The following ADAMTS6 variants were observed in gnomAD, a reference collection of about 807,000 sequenced individuals.
ADAMTS6 encodes the protein A disintegrin and metalloproteinase with thrombospondin motifs 6.
In ADAMTS6, 23 loss-of-function variants were observed where a neutral mutation model predicts 144.3. The ratio of observed to expected loss-of-function variants is 0.16; its 90% CI spans 0.11 to 0.23. ADAMTS6 has a LOEUF of 0.23. ADAMTS6 is among the 10% of genes least tolerant of loss of function. ADAMTS6 has a pLI of 1.00. For missense variants in ADAMTS6, 999 were observed against 1,379.6 expected (o/e 0.72, Z 4.37); for synonymous variants, 444 against 457.5 (o/e 0.97, Z 0.38).
chr5:65,239,644 T>C (rs1186245089), intron 15 of ADAMTS6, among the ~76,000 whole-genome samples: 6 of 152,164 alleles, frequency 3.9e-5, no homozygotes, highest in Non-Finnish European at 8.8e-5. Context: ...ACAAAACATT[T>C]GTAAAACTTA....
At position 65,170,701 on chromosome 5, in the gene ADAMTS6, T is replaced by C; in HGVS notation, c.3160A>G (p.Ser1054Gly). ...GGCCGAACAGTTTCTAGACAGTCAC[T>C]AGATGCCTGTCCGGTGTAGGAGAGA... Reference protein sequence around the residue: ...QCLSYTGQASSDCLETVRPPS... With the variant: ...QCLSYTGQASGDCLETVRPPS... Residue 1054 changes from serine to glycine, a missense_variant, in exon 24 of 25, where the codon AGT becomes GGT. This residue lies in a region of ADAMTS6 where 619 missense variants were observed against 837.0 expected (regional missense o/e 0.74). Coordinates refer to ENST00000381055, the MANE Select transcript of ADAMTS6 (RefSeq NM_197941.4). 1.2e-6 allele frequency: 2 copies of C among 1,614,058 alleles called. No homozygotes were observed. Among genetic ancestry groups the C allele is most frequent in the Non-Finnish European group, 1.7e-6 (2 of 1,179,924 alleles).
At chr5:65,424,818 T>C (rs904223076) in intron 7 of ADAMTS6, among the ~76,000 whole-genome samples, 1 of 152,230 alleles carries the variant, frequency 6.6e-6, no homozygotes, top group Admixed American at 6.5e-5. Flanking sequence ...TTTAATTATG[T>C]TGTTTTCCTT....
At chr5:65,272,441 G>A (rs972062719) in intron 12 of ADAMTS6, among the ~76,000 whole-genome samples, 3 of 151,976 alleles carry the variant, frequency 2.0e-5, no homozygotes, top group African/African-American at 4.8e-5. Flanking sequence ...CCTCCCACTC[G>A]AGCTTCCCAC....
intron 7 of ADAMTS6, among the ~76,000 whole-genome samples, chr5:65,420,118 T>C (rs1430004302): frequency 6.6e-6 from 1 of 152,042 alleles, no homozygotes; most frequent in Non-Finnish European, 1.5e-5. Context: ...CAGGAAGAAG[T>C]GCCAAGCAAA....
At chr5:65,216,416 T>C (rs1468057840) in intron 18 of ADAMTS6, among the ~76,000 whole-genome samples, 1 of 143,796 alleles carries the variant, frequency 7.0e-6, no homozygotes, top group Admixed American at 7.5e-5. Flanking sequence ...GATGGGTAGT[T>C]GCCAGGGGAT....
At chr5:65,159,413 T>G (rs774563663) in intron 24 of ADAMTS6, among the ~76,000 whole-genome samples, 1 of 152,116 alleles carries the variant, frequency 6.6e-6, no homozygotes, top group Non-Finnish European at 1.5e-5. Context: ...TCCCTGCCTC[T>G]CTCTCTGTAG....
chr5:65,421,467 T>A lies in ADAMTS6; in HGVS notation c.1073+30008A>T, dbSNP rs560087730. On this transcript the variant is annotated intron_variant, in intron 7 of 24. Transcript: ENST00000381055. ...GTCTGATAGGTTTTCCTTTATAGGT[T>A]ACCTTGATGCTTTGGTCTCACTGCT... is the stretch of plus-strand genomic sequence containing the variant. Among the ~76,000 whole-genome samples, 3 of 152,320 alleles carry A rather than the reference T, an allele frequency of 2.0e-5. No individual in the cohort carries two copies. In the South Asian group the frequency reaches 6.2e-4, roughly 32 times the overall value.
chr5:65,193,382 T>C (rs985836412), intron 21 of ADAMTS6, among the ~76,000 whole-genome samples: 1 of 151,876 alleles, frequency 6.6e-6, no homozygotes, highest in Non-Finnish European at 1.5e-5. Context: ...AATACTTCAA[T>C]AGAAGTATTG....
rs779053518 is a variant in ADAMTS6, at chr5:65,214,648, CAA to C, written c.2575+144_2575+145del. The C allele has an allele frequency of 1.7e-6, 2 of 1,152,122 alleles. No homozygotes were observed. Among genetic ancestry groups the C allele is most frequent in the Non-Finnish European group, 2.5e-6 (2 of 797,464 alleles). 71.4% of individuals were successfully genotyped at this position (1,152,122 alleles called of 1,614,324 possible). A position where few individuals can be genotyped will look rare whatever the true frequency, so the allele number is the denominator to read the frequency against. On this transcript the variant is annotated intron_variant, in intron 20 of 24. Transcript: ENST00000381055. The surrounding 1 kb of genome is among the most constrained non-coding windows in gnomAD (Gnocchi z 4.6). ...CAAATGGAATATAATATAATTAAAGCAAAGTTTCTTTTGCTAAATTACAGCTT... is the reference window on the plus strand; with the variant it reads ...CAAATGGAATATAATATAATTAAAGCAGTTTCTTTTGCTAAATTACAGCTT...
intron 7 of ADAMTS6, among the ~76,000 whole-genome samples, chr5:65,397,161 G>A (rs1753412300): frequency 6.6e-6 from 1 of 152,120 alleles, no homozygotes; most frequent in East Asian, 1.9e-4. Context: ...CATTTTTAAT[G>A]TTCACAGGAT....
At chr5:65,187,411 A>C (rs1274103118) in intron 22 of ADAMTS6, among the ~76,000 whole-genome samples, 2 of 152,188 alleles carry the variant, frequency 1.3e-5, no homozygotes, top group African/African-American at 2.4e-5. Flanking sequence ...GGAATGATCA[A>C]GTCAAATTTG....
At chr5:65,284,184 CAAAAG>C in intron 11 of ADAMTS6, among the ~76,000 whole-genome samples, 1 of 151,934 alleles carries the variant, frequency 6.6e-6, no homozygotes, top group South Asian at 2.1e-4. Context: ...ATAAAATAAA[CAAAAG>C]GGAATAAGCA....
At chr5:65,215,681 T>A (rs566842767) in intron 18 of ADAMTS6, among the ~76,000 whole-genome samples, 194 bp from the exon 19 acceptor site, 2 of 152,322 alleles carry the variant, frequency 1.3e-5, no homozygotes, top group East Asian at 3.9e-4. Flanking sequence ...TAAGTATTTA[T>A]AATGTCACTA....
intron 9 of ADAMTS6, among the ~76,000 whole-genome samples, chr5:65,302,241 A>ATACATATACAT (rs1743490614): frequency 6.9e-6 from 1 of 144,250 alleles, no homozygotes; most frequent in Admixed American, 7.1e-5. Context: ...TAATTATTAT[A>ATACATATACAT]TACATATACA....
intron 21 of ADAMTS6, among the ~76,000 whole-genome samples, chr5:65,188,681 A>G (rs572004124): frequency 1.6e-4 from 25 of 152,306 alleles, no homozygotes; most frequent in African/African-American, 5.5e-4. Context: ...GCCAATTTCA[A>G]GCTACCAGCT....
chr5:65,205,395 G>C (rs1476459510), intron 20 of ADAMTS6, among the ~76,000 whole-genome samples: 3 of 152,176 alleles, frequency 2.0e-5, no homozygotes, highest in Non-Finnish European at 4.4e-5. Context: ...GGACATCTCT[G>C]AAAATGTAAA....
chr5:65,214,207 T>A lies in ADAMTS6; in HGVS notation c.2575+587A>T, dbSNP rs1172166458. On this transcript the variant is annotated intron_variant, in intron 20 of 24. Transcript: ENST00000381055. This position sits in a 1 kb window ranked among gnomAD's most constrained non-coding sequence, Gnocchi z 4.6. ...AAACGCACATGGGACAACCAACACATCACCAACCACCGCCTAGCAGCTACC... is the reference window on the plus strand; with the variant it reads ...AAACGCACATGGGACAACCAACACAACACCAACCACCGCCTAGCAGCTACC... 5.6e-6 allele frequency: 1 copy of A among 178,544 alleles called. No homozygotes were observed. The highest frequency in any genetic ancestry group is 1.4e-5 in the Non-Finnish European group (1 of 73,352). 11.1% of individuals were successfully genotyped at this position (178,544 alleles called of 1,614,324 possible).
intron 7 of ADAMTS6, among the ~76,000 whole-genome samples, chr5:65,340,182 C>A (rs1005928755): frequency 1.3e-5 from 2 of 151,498 alleles, no homozygotes; most frequent in African/African-American, 2.4e-5. Flanking sequence ...AATTTCTCAG[C>A]AGAAATCTTA....
At position 65,214,707 on chromosome 5, in the gene ADAMTS6, G is replaced by A; in HGVS notation, c.2575+87C>T. 11 of 1,594,036 alleles carry A rather than the reference G, an allele frequency of 6.9e-6. No homozygotes were observed. The highest frequency in any genetic ancestry group is 9.4e-6 in the Non-Finnish European group (11 of 1,165,778). ...AACCTGCAAGAAATGTTTCCAATTA[G>A]CTTTTTTAACAAACACAAAGCATAG... On this transcript the variant is annotated intron_variant, in intron 20 of 24. Coordinates refer to ENST00000381055, the MANE Select transcript of ADAMTS6 (RefSeq NM_197941.4). The surrounding 1 kb of genome is among the most constrained non-coding windows in gnomAD (Gnocchi z 4.6).
Sources: allele counts gnomAD v4.1 joint callset (sites outside exome capture counted in the v4.1 genomes callset), GRCh38; gene constraint gnomAD v4.1.1; regional missense constraint gnomAD v4.1.1; non-coding constraint Gnocchi (gnomAD v3.1); transcripts MANE v1.5; gene names NCBI Gene and HGNC (gene_info 2026-07-23, HGNC 2026-07-21).